ABHD18: variants seen among roughly 807,000 people sequenced by gnomAD.
ABHD18 encodes cardiolipin-specific deacylase, mitochondrial.
In ABHD18, 55 loss-of-function variants were observed where a neutral mutation model predicts 65.9. The ratio of observed to expected loss-of-function variants is 0.84; its 90% confidence interval spans 0.67 to 1.05. The LOEUF (loss-of-function observed/expected upper bound fraction) is 1.05, where lower values mean the gene tolerates loss of function less well. Among genes scored for constraint, ABHD18 ranks in the 50% least tolerant of loss-of-function variants. The probability of loss-of-function intolerance (pLI) is 0.00; values close to 1 mark genes in which losing one functional copy is unlikely to be tolerated. For synonymous variants in ABHD18, 181 were observed against 180.2 expected (o/e 1.00, Z -0.04); for missense variants, 533 against 558.5 (o/e 0.95, Z 0.46).
At position 128,002,578 on chromosome 4, in the gene ABHD18, C is replaced by A. The variant is rs113304364; in HGVS notation, c.279-6342C>A. Among the ~76,000 whole-genome samples the A allele has an allele frequency of 6.2e-3, 929 of 150,282 alleles. 18 individuals carry two copies. The highest frequency in any genetic ancestry group is 0.021 in the African/African-American group (874 of 40,858). On this transcript the variant is annotated intron_variant, in intron 4 of 12. Coordinates refer to ENST00000645843, the MANE Select transcript of ABHD18 (RefSeq NM_001358451.3). ...TACAGGTGTGAGGCACCACACCCTA[C>A]CAAGACTCTGTCTCAAAAAAAAGAA...
intron 4 of ABHD18, among the ~76,000 whole-genome samples, chr4:127,996,895 T>C (rs1172755671): frequency 1.3e-5 from 2 of 152,250 alleles, no homozygotes; most frequent in Non-Finnish European, 2.9e-5. Flanking sequence ...TATGGTTATC[T>C]TCCCTTGTTC....
chr4:127,969,749 A>ATTT (rs200187541), intron 1 of ABHD18, among the ~76,000 whole-genome samples: 1 of 141,952 alleles, frequency 7.0e-6, no homozygotes. Context: ...AGGTGTTGGA[A>ATTT]TTTTTTTTTT....
At chr4:128,028,400 C>CT in intron 10 of ABHD18, 75 bp from the exon 11 acceptor site, 1 of 1,140,756 alleles carries the variant, frequency 8.8e-7, no homozygotes, top group Non-Finnish European at 1.2e-6. Context: ...TTTGTCTTTT[C>CT]TCTTTTTTTT....
intron 1 of ABHD18, among the ~76,000 whole-genome samples, chr4:127,978,166 AT>A (rs1461641689): frequency 6.6e-6 from 1 of 152,130 alleles, no homozygotes; most frequent in African/African-American, 2.4e-5. Flanking sequence ...AACAATATAG[AT>A]TTTAGAACTT....
intron 1 of ABHD18, among the ~76,000 whole-genome samples, chr4:127,968,392 A>T (rs1284674461): frequency 6.6e-6 from 1 of 152,262 alleles, no homozygotes; most frequent in Non-Finnish European, 1.5e-5. Context: ...GTGAAATTAC[A>T]AGATAAAATT....
chr4:127,986,308 A>T (rs1276909087), intron 3 of ABHD18, among the ~76,000 whole-genome samples: 1 of 152,174 alleles, frequency 6.6e-6, no homozygotes, highest in Non-Finnish European at 1.5e-5. Context: ...CACTTAGCAT[A>T]ATGTTTTCAA....
intron 10 of ABHD18, among the ~76,000 whole-genome samples, chr4:128,027,916 A>G (rs946384309): frequency 6.6e-6 from 1 of 152,240 alleles, no homozygotes; most frequent in Non-Finnish European, 1.5e-5. Flanking sequence ...ATAAAGTGTA[A>G]GTCATTTATC....
chr4:127,975,788 G>A (rs145103845), intron 1 of ABHD18, among the ~76,000 whole-genome samples: 7 of 151,668 alleles, frequency 4.6e-5, no homozygotes, highest in Admixed American at 1.3e-4. Context: ...CATTTTATAG[G>A]GTTGGGATAA....
intron 1 of ABHD18, among the ~76,000 whole-genome samples, chr4:127,976,177 T>G (rs1747884476): frequency 6.6e-6 from 1 of 152,164 alleles, no homozygotes; most frequent in South Asian, 2.1e-4. Flanking sequence ...TAGTGTTATA[T>G]TTGTGTCATA....
At chr4:128,025,005 T>A (rs1457099273) in intron 10 of ABHD18, among the ~76,000 whole-genome samples, 1 of 152,016 alleles carries the variant, frequency 6.6e-6, no homozygotes, top group Non-Finnish European at 1.5e-5. Context: ...CAATTTTAAT[T>A]CTTTAACTTA....
intron 4 of ABHD18, among the ~76,000 whole-genome samples, chr4:128,008,375 G>A (rs1753990967): frequency 7.0e-6 from 1 of 142,936 alleles, no homozygotes; most frequent in South Asian, 2.4e-4. Context: ...GGGTTTAAGC[G>A]CTTCTCCTGC....
chr4:128,038,953 T>C lies in ABHD18; in HGVS notation c.*3140T>C, dbSNP rs181379972. 1 of 151,816 alleles carries C rather than the reference T, an allele frequency of 6.6e-6. No homozygotes were observed. Among genetic ancestry groups the C allele is most frequent in the Non-Finnish European group, 1.5e-5 (1 of 67,922 alleles). 9.4% of individuals were successfully genotyped at this position (151,816 alleles called of 1,614,324 possible). A position where few individuals can be genotyped will look rare whatever the true frequency, so the allele number is the denominator to read the frequency against. The stretch of plus-strand genomic sequence containing the variant: ...CCCTAAAACTACCTCAGTTGAAGAA[T>C]TCAAAGTGCAAAATAACTTTTCTTA... On this transcript the variant is annotated 3_prime_UTR_variant, in exon 13 of 13. Coordinates refer to ENST00000645843, the MANE Select transcript of ABHD18 (RefSeq NM_001358451.3).
intron 1 of ABHD18, among the ~76,000 whole-genome samples, chr4:127,967,313 G>C (rs1255426160): frequency 6.6e-6 from 1 of 152,018 alleles, no homozygotes; most frequent in African/African-American, 2.4e-5. Flanking sequence ...AACTTGCCTA[G>C]GATCATACTA....
chr4:128,036,055 ATTCAGTGTT>A lies in ABHD18; in HGVS notation c.*244_*252del. ...ACTATTGTTTATTGGAATCCCATATATTCAGTGTTTAGTCTGTTGTTACTGTTTATGAAA... is the reference window on the plus strand; with the variant it reads ...ACTATTGTTTATTGGAATCCCATATATAGTCTGTTGTTACTGTTTATGAAA... On this transcript the variant is annotated 3_prime_UTR_variant, in exon 13 of 13. Transcript: ENST00000645843. 1 of 334,952 alleles carries A rather than the reference ATTCAGTGTT, an allele frequency of 3.0e-6. No homozygotes were observed. The highest frequency in any genetic ancestry group is 5.3e-6 in the Non-Finnish European group (1 of 187,528). The allele number at this position is 334,952 out of a possible 1,614,324, so 20.7% of individuals were successfully genotyped here.
intron 3 of ABHD18, among the ~76,000 whole-genome samples, 178 bp downstream of exon 3, chr4:127,984,601 T>TA (rs1419111912): frequency 6.6e-6 from 1 of 152,194 alleles, no homozygotes; most frequent in Non-Finnish European, 1.5e-5. Flanking sequence ...CTCACGCCTG[T>TA]AATCCCAGCA....
At chr4:128,005,045 A>G (rs1450288587) in intron 4 of ABHD18, among the ~76,000 whole-genome samples, 1 of 152,222 alleles carries the variant, frequency 6.6e-6, no homozygotes, top group Non-Finnish European at 1.5e-5. Context: ...CCTGGCCAAC[A>G]TGGCGAAACC....
intron 11 of ABHD18, among the ~76,000 whole-genome samples, chr4:128,029,483 C>G (rs1018486909): frequency 6.6e-6 from 1 of 151,922 alleles, no homozygotes; most frequent in Non-Finnish European, 1.5e-5. Context: ...GAGTTTGACA[C>G]CAGCCCGGGC....
At chr4:128,004,914 A>C (rs770250135) in intron 4 of ABHD18, among the ~76,000 whole-genome samples, 3 of 150,348 alleles carry the variant, frequency 2.0e-5, no homozygotes, top group African/African-American at 4.9e-5. Flanking sequence ...CGTCTCAAAA[A>C]ACAAAACAAA....
intron 4 of ABHD18, among the ~76,000 whole-genome samples, chr4:127,990,289 A>G (rs953965493): frequency 2.0e-5 from 3 of 152,206 alleles, no homozygotes; most frequent in Non-Finnish European, 4.4e-5. Context: ...TAGGTCAAGC[A>G]TGGTGGCTTA....
Sources: gnomAD v4.1 joint callset for allele counts (sites outside exome capture counted in the v4.1 genomes callset) on GRCh38, gnomAD v4.1.1 for gene constraint, MANE v1.5 for transcripts, NCBI Gene and HGNC (gene_info 2026-07-23, HGNC 2026-07-21) for gene names.